The following ABR variants were observed in gnomAD, a reference collection of about 807,000 sequenced individuals.
The protein encoded by ABR is active breakpoint cluster region-related protein.
ABR carries 35 observed loss-of-function variants against 107.2 expected under a neutral mutation model. The observed-to-expected ratio is 0.33, with a 90% CI of 0.25 to 0.43. The LOEUF is 0.43. Among genes scored for constraint, ABR ranks in the 20% least tolerant of loss-of-function variants. The pLI is 1.00. For synonymous variants in ABR, 498 were observed against 462.0 expected, an observed-to-expected ratio of 1.08 and a Z score of -1.00; for missense variants, 815 against 1,115.2, an observed-to-expected ratio of 0.73 and a Z score of 3.83.
At chr17:1,090,103 C>G (rs2036917685) in intron 4 of ABR, among the ~76,000 whole-genome samples, 1 of 152,226 alleles carries the variant, frequency 6.6e-6, no homozygotes, top group Non-Finnish European at 1.5e-5. Context: ...CCCTTCTAAG[C>G]TGGGAACTGA....
intron 1 of ABR, among the ~76,000 whole-genome samples, chr17:1,219,960 C>T (rs1005462808): frequency 1.3e-5 from 2 of 151,614 alleles, no homozygotes; most frequent in African/African-American, 4.8e-5. Flanking sequence ...ACTGGAGTAT[C>T]TTTATACTCT....
intron 16 of ABR, among the ~76,000 whole-genome samples, chr17:1,026,258 C>A (rs559082980): frequency 8.9e-4 from 136 of 152,306 alleles, no homozygotes; most frequent in African/African-American, 3.2e-3. Flanking sequence ...AAATGGGAAA[C>A]CTTGACTCCC....
chr17:1,101,411 G>T (rs577961379), intron 2 of ABR: 1 of 152,136 alleles, frequency 6.6e-6, no homozygotes, highest in African/African-American at 2.4e-5. Context: ...GTAACATCTC[G>T]TTTTGCTTCC....
At chr17:1,012,261 T>G in intron 18 of ABR, 1 of 654,310 alleles carries the variant, frequency 1.5e-6, no homozygotes, top group Non-Finnish European at 2.8e-6. Flanking sequence ...GTCCCCCAGA[T>G]TCAGATGCTT....
intron 2 of ABR, among the ~76,000 whole-genome samples, chr17:1,120,827 C>T (rs1054331780): frequency 1.3e-5 from 2 of 152,180 alleles, no homozygotes; most frequent in African/African-American, 4.8e-5. Context: ...TCAGGCCACA[C>T]AGTGAGACAG....
intron 2 of ABR, among the ~76,000 whole-genome samples, chr17:1,103,081 T>G (rs1293248236): frequency 6.6e-6 from 1 of 152,198 alleles, no homozygotes; most frequent in African/African-American, 2.4e-5. Context: ...TGTGGCGATT[T>G]GTTTCAGCAG....
chr17:1,055,992 T>C, intron 14 of ABR, 43 bp downstream of exon 14: 1 of 1,577,840 alleles, frequency 6.3e-7, no homozygotes, highest in South Asian at 1.1e-5. Flanking sequence ...CAGTGCAGAA[T>C]CCACAATGGC....
In ABR at chr17:1,208,744, C is replaced by T. The variant is rs376170025; in HGVS notation, c.838+20049G>A. 1.2e-4 allele frequency among the ~76,000 whole-genome samples: 18 copies of T among 152,076 alleles called. No homozygotes were observed. The East Asian group carries it at 1.4e-3, about 11-fold the overall frequency. On this transcript the variant is annotated intron_variant, in intron 1 of 22. Coordinates refer to the ABR transcript ENST00000574139. Reference sequence around the variant, plus strand: ...TCTACTAAAAATACAAAAAATTAGCCGGGTGTGGTGGCGGGCGCCTGTAGT... The same window carrying T: ...TCTACTAAAAATACAAAAAATTAGCTGGGTGTGGTGGCGGGCGCCTGTAGT...
At chr17:1,120,076 C>A (rs114163355) in intron 2 of ABR, among the ~76,000 whole-genome samples, 3 of 151,920 alleles carry the variant, frequency 2.0e-5, no homozygotes, top group Non-Finnish European at 2.9e-5. Context: ...AGGCAAATTA[C>A]GTCACCTCTC....
rs1406307487 is a variant in ABR, at chr17:1,125,310, G to A, written c.119C>T (p.Pro40Leu). The A allele has an allele frequency of 6.2e-7, 1 of 1,613,982 alleles. No homozygotes were observed. Among genetic ancestry groups the A allele is most frequent in the East Asian group, 2.2e-5 (1 of 44,880 alleles). The change falls in exon 2 of 23, where the codon CCC (proline) becomes CTC (leucine). Residue 40 changes from proline to leucine, a missense_variant. Pro to Leu is a moderately conservative substitution (Grantham distance 98). Around this residue, in one of 5 missense-constraint regions of ABR, gnomAD observed 129 missense variants for 124.8 expected, o/e 1.03. Transcript: ENST00000302538. ...DGEGNEEQKG[P>L]PEGSETMPYI... ...CGGCATGGTCTCTGAGCCCTCCGGG[G>A]GCCCCTTCTGCTCCTCATTCCCCTC...
intron 4 of ABR, among the ~76,000 whole-genome samples, chr17:1,091,310 G>C (rs900283945): frequency 6.6e-6 from 1 of 151,820 alleles, no homozygotes; most frequent in Admixed American, 6.6e-5. Flanking sequence ...CACCGTCCGG[G>C]AAAGACGGAG....
intron 16 of ABR, among the ~76,000 whole-genome samples, chr17:1,039,007 ACT>A (rs2150966422): frequency 6.6e-6 from 1 of 151,952 alleles, no homozygotes; most frequent in Admixed American, 6.6e-5. Context: ...CCGAGAGGAC[ACT>A]CTCTGAAGGG....
chr17:1,057,702 T>TGAGA (rs1300837671), intron 12 of ABR: 2 of 370,352 alleles, frequency 5.4e-6, no homozygotes, highest in Non-Finnish European at 1.0e-5. Context: ...TGTGTGTGTG[T>TGAGA]GAGAGAGAGA....
intron 2 of ABR, among the ~76,000 whole-genome samples, chr17:1,101,746 T>C (rs1029787633): frequency 5.3e-5 from 8 of 151,874 alleles, no homozygotes; most frequent in African/African-American, 1.4e-4. Context: ...TTTTTTTTTT[T>C]TTTTAGAGAC....
chr17:1,031,595 C>T (rs2072768718), intron 16 of ABR: 2 of 1,088,098 alleles, frequency 1.8e-6, no homozygotes, highest in African/African-American at 1.7e-5. Flanking sequence ...CCCCCGCGGG[C>T]ACCTTGTTTC....
At chr17:1,148,000 C>T (rs1257229754) in intron 1 of ABR, among the ~76,000 whole-genome samples, 1 of 152,166 alleles carries the variant, frequency 6.6e-6, no homozygotes. Flanking sequence ...CCACGCCTTC[C>T]CAGCCAGCAT....
chr17:1,194,918 C>T (rs1488277850), intron 1 of ABR, among the ~76,000 whole-genome samples: 1 of 138,746 alleles, frequency 7.2e-6, no homozygotes. Context: ...TCCTAAAGTG[C>T]TGGAATTACA....
intron 2 of ABR, among the ~76,000 whole-genome samples, chr17:1,120,871 C>G (rs1395791245): frequency 4.6e-5 from 7 of 152,214 alleles, no homozygotes; most frequent in African/African-American, 1.7e-4. Flanking sequence ...GTTCTTCTCT[C>G]TGCCTTGTAG....
At chr17:1,140,383 G>T (rs1205084823) in intron 1 of ABR, among the ~76,000 whole-genome samples, 2 of 152,152 alleles carry the variant, frequency 1.3e-5, no homozygotes, top group African/African-American at 4.8e-5. Flanking sequence ...GCAGAGTCTG[G>T]ACCACAGGTG....
Sources: gnomAD v4.1 joint callset for allele counts (sites outside exome capture counted in the v4.1 genomes callset) on GRCh38, gnomAD v4.1.1 for gene constraint, gnomAD v4.1.1 regional missense constraint, MANE v1.5 for transcripts, NCBI Gene and HGNC (gene_info 2026-07-23, HGNC 2026-07-21) for gene names.